HPSE2: variants seen among roughly 807,000 people sequenced by gnomAD.
HPSE2 encodes the protein inactive heparanase-2.
HPSE2 carries 38 observed loss-of-function variants against 60.5 expected under a neutral mutation model. The observed-to-expected ratio is 0.63, with a 90% CI of 0.48 to 0.82. The LOEUF (loss-of-function observed/expected upper bound fraction) is 0.82, where lower values mean the gene tolerates loss of function less well. HPSE2 is among the 40% of genes least tolerant of loss of function. The pLI is 0.00. For missense variants in HPSE2, 713 were observed against 740.4 expected (o/e 0.96, Z 0.43); for synonymous variants, 295 against 293.2 (o/e 1.01, Z -0.06).
chr10:99,022,235 T>C (rs1957278998), intron 3 of HPSE2, among the ~76,000 whole-genome samples: 1 of 151,820 alleles, frequency 6.6e-6, no homozygotes, highest in Non-Finnish European at 1.5e-5. Flanking sequence ...AGTGCCATCC[T>C]GATAAAGAAG....
rs77800090 is a variant in HPSE2, at chr10:98,884,416, T to C, written c.611-140360A>G. ...AAGAAAATGCCCTCTAGGACTTTCATAACTAGAGAGAAAAAGTCAATGCCT... is the reference window on the plus strand; with the variant it reads ...AAGAAAATGCCCTCTAGGACTTTCACAACTAGAGAGAAAAAGTCAATGCCT... On this transcript the variant is annotated intron_variant, in intron 3 of 11. Coordinates refer to ENST00000370552, the MANE Select transcript of HPSE2 (RefSeq NM_021828.5). Among the ~76,000 whole-genome samples the C allele has an allele frequency of 4.3e-4, 65 of 152,250 alleles. 2 individuals are homozygous for C. In the East Asian group the frequency reaches 0.011, roughly 25 times the overall value.
At chr10:99,305,979 G>GCACGCACGCGCACACACACACA in the HPSE2 span, among the ~76,000 whole-genome samples, 1 of 80,580 alleles carries the variant, frequency 1.2e-5, no homozygotes, top group African/African-American at 5.4e-5. Flanking sequence ...GCGCGCGCGC[G>GCACGCACGCGCACACACACACA]CACACACACA....
chr10:98,877,015 C>T (rs1952895146), intron 3 of HPSE2, among the ~76,000 whole-genome samples: 1 of 151,728 alleles, frequency 6.6e-6, no homozygotes, highest in Non-Finnish European at 1.5e-5. Flanking sequence ...TTATATAGGG[C>T]ATGCTATTGA....
chr10:98,550,985 T>G (rs987869089), intron 9 of HPSE2, among the ~76,000 whole-genome samples: 1 of 152,024 alleles, frequency 6.6e-6, no homozygotes, highest in African/African-American at 2.4e-5. Context: ...TATTCACTGA[T>G]GAACAAAAGA....
In HPSE2 at chr10:98,939,590, G is replaced by T. The variant is rs868557294; in HGVS notation, c.611-195534C>A. ...CACCCAGATTCATGAAGCAAGTCCTGAGTGACCTACAAAGAGACTTAGACA... is the reference window on the plus strand; with the variant it reads ...CACCCAGATTCATGAAGCAAGTCCTTAGTGACCTACAAAGAGACTTAGACA... On this transcript the variant is annotated intron_variant, in intron 3 of 11. Coordinates refer to ENST00000370552, the MANE Select transcript of HPSE2 (RefSeq NM_021828.5). Among the ~76,000 whole-genome samples the T allele has an allele frequency of 4.2e-5, 6 of 143,370 alleles. 1 individual carries two copies. Among genetic ancestry groups the T allele is most frequent in the Admixed American group, 4.2e-4 (6 of 14,454 alleles). The allele number at this position is 143,370 out of a possible 152,430, so 94.1% of individuals were successfully genotyped here.
intron 2 of HPSE2, among the ~76,000 whole-genome samples, chr10:99,213,599 C>T (rs1849022482): frequency 1.3e-5 from 2 of 151,754 alleles, no homozygotes; most frequent in African/African-American, 2.4e-5. Context: ...GCATAGAAGG[C>T]TTATGTTCTC....
At chr10:99,169,982 T>A (rs974876888) in intron 2 of HPSE2, among the ~76,000 whole-genome samples, 1 of 152,158 alleles carries the variant, frequency 6.6e-6, no homozygotes, top group Non-Finnish European at 1.5e-5. Flanking sequence ...AGAGCAGCCA[T>A]ATGCAATACA....
intron 3 of HPSE2, among the ~76,000 whole-genome samples, chr10:99,115,406 G>A (rs935975758): frequency 6.6e-6 from 1 of 151,808 alleles, no homozygotes; most frequent in African/African-American, 2.4e-5. Context: ...CGCCCGCCTT[G>A]GCCTCCCAAA....
intron 3 of HPSE2, among the ~76,000 whole-genome samples, chr10:98,930,425 G>C (rs1954611885): frequency 6.9e-6 from 1 of 144,350 alleles, no homozygotes; most frequent in Non-Finnish European, 1.5e-5. Flanking sequence ...TTGCTATTGT[G>C]AATAGTGCTG....
chr10:99,279,497 T>G, the HPSE2 span, among the ~76,000 whole-genome samples: 1 of 152,224 alleles, frequency 6.6e-6, no homozygotes, highest in Admixed American at 6.5e-5. Context: ...TCCAATTTCT[T>G]ACACTATAAC....
intron 9 of HPSE2, among the ~76,000 whole-genome samples, chr10:98,523,790 G>A (rs1942873863): frequency 6.6e-6 from 1 of 152,078 alleles, no homozygotes; most frequent in East Asian, 1.9e-4. Flanking sequence ...TATAGTATAG[G>A]TTCACTACCT....
chr10:98,484,026 T>C (rs994579585), intron 10 of HPSE2, among the ~76,000 whole-genome samples: 5 of 152,250 alleles, frequency 3.3e-5, no homozygotes, highest in African/African-American at 1.2e-4. Flanking sequence ...TGTGTTCTTT[T>C]AAAATACCTT....
At chr10:99,237,347 T>C (rs959755580), upstream of HPSE2, among the ~76,000 whole-genome samples, 1 of 152,188 alleles carries the variant, frequency 6.6e-6, no homozygotes. Context: ...CAGAAGTGGA[T>C]GGACAAGGGT....
intron 3 of HPSE2, among the ~76,000 whole-genome samples, chr10:99,106,662 A>C: frequency 6.6e-6 from 1 of 152,018 alleles, no homozygotes; most frequent in East Asian, 1.9e-4. Context: ...CACTTACCTA[A>C]GGGCTTACTA....
In HPSE2 at chr10:99,151,430, A is replaced by G. The variant is rs568693414; in HGVS notation, c.449-7031T>C. ...GAAAAATAAAGGGCAGAATTGTTTG[A>G]AGACATGATGACCAAAAACATTCAA... On this transcript the variant is annotated intron_variant, in intron 2 of 11. Transcript: ENST00000370552. Among the ~76,000 whole-genome samples, 3 of 152,300 alleles carry G rather than the reference A, an allele frequency of 2.0e-5. No homozygotes were observed. The South Asian group carries it at 6.2e-4, about 32-fold the overall frequency.
chr10:98,771,633 T>C (rs1249310904), intron 3 of HPSE2, among the ~76,000 whole-genome samples: 3 of 152,190 alleles, frequency 2.0e-5, no homozygotes, highest in Admixed American at 6.5e-5. Context: ...GCCAGAGATA[T>C]ACTCCTAGGA....
intron 7 of HPSE2, among the ~76,000 whole-genome samples, chr10:98,633,281 C>G (rs1946413550): frequency 6.6e-6 from 1 of 152,166 alleles, no homozygotes; most frequent in African/African-American, 2.4e-5. Flanking sequence ...TCACTGCAGC[C>G]TCAACCTCCC....
At chr10:98,908,565 C>T (rs1953888363) in intron 3 of HPSE2, among the ~76,000 whole-genome samples, 1 of 151,676 alleles carries the variant, frequency 6.6e-6, no homozygotes, top group South Asian at 2.1e-4. Context: ...TGCCTGTAAT[C>T]CCAGCTACTT....
At chr10:99,053,110 A>C (rs951361630) in intron 3 of HPSE2, among the ~76,000 whole-genome samples, 1 of 151,998 alleles carries the variant, frequency 6.6e-6, no homozygotes. Context: ...TATGATCATA[A>C]ATTTTATAAT....
Sources: gnomAD v4.1 joint callset for allele counts (sites outside exome capture counted in the v4.1 genomes callset) on GRCh38, gnomAD v4.1.1 for gene constraint, MANE v1.5 for transcripts, NCBI Gene and HGNC (gene_info 2026-07-23, HGNC 2026-07-21) for gene names.